Variants in SCFD2 observed in about 807,000 individuals in gnomAD.
SCFD2 encodes the protein sec1 family domain containing 2, also known as sec1 family domain-containing protein 2.
SCFD2 carries 54 observed loss-of-function variants against 58.9 expected under a neutral mutation model. The observed-to-expected ratio is 0.92, with a 90% confidence interval of 0.74 to 1.15. The LOEUF (loss-of-function observed/expected upper bound fraction) is 1.15, where lower values mean the gene tolerates loss of function less well. Among genes scored for constraint, SCFD2 ranks in the 50% most tolerant of loss-of-function variants. The pLI is 0.00. For missense variants in SCFD2, 805 were observed against 836.6 expected (o/e 0.96, Z 0.47); for synonymous variants, 321 against 335.9 (o/e 0.96, Z 0.49).
At chr4:52,889,357 C>A (rs896842629) in intron 7 of SCFD2, among the ~76,000 whole-genome samples, 5 of 152,176 alleles carry the variant, frequency 3.3e-5, no homozygotes, top group Non-Finnish European at 7.3e-5. Flanking sequence ...TTTGCAAATG[C>A]AGAGATTGAG....
intron 5 of SCFD2, among the ~76,000 whole-genome samples, chr4:53,079,239 T>TG (rs1294134632): frequency 5.9e-5 from 9 of 152,074 alleles, no homozygotes; most frequent in Admixed American, 2.0e-4. Context: ...CACTGATGTC[T>TG]GGGGGGCAGA....
At chr4:53,018,908 AG>A (rs2148812391) in intron 5 of SCFD2, among the ~76,000 whole-genome samples, 1 of 152,342 alleles carries the variant, frequency 6.6e-6, no homozygotes, top group Non-Finnish European at 1.5e-5. Flanking sequence ...CAAGATGGCC[AG>A]TTAGGAAGCA....
intron 3 of SCFD2, 49 bp from the exon 4 acceptor site, chr4:53,274,050 A>G (rs1731258241): frequency 4.8e-6 from 7 of 1,467,658 alleles, no homozygotes; most frequent in South Asian, 1.4e-5. Context: ...GAATAGTACA[A>G]ATAATGAGAA....
chr4:53,002,204 G>T (rs981568882), intron 5 of SCFD2, among the ~76,000 whole-genome samples: 1 of 152,124 alleles, frequency 6.6e-6, no homozygotes, highest in African/African-American at 2.4e-5. Flanking sequence ...TGGGGACAGG[G>T]CTTAAAGGTG....
At chr4:53,123,398 G>C (rs1725536693) in intron 5 of SCFD2, among the ~76,000 whole-genome samples, 1 of 152,158 alleles carries the variant, frequency 6.6e-6, no homozygotes. Flanking sequence ...AATGGGAAGA[G>C]AGAGGGAATG....
Position 53,257,839 on chromosome 4 carries a change from A to G in SCFD2, c.1311+15987T>C, listed in dbSNP as rs1156650411. Among the ~76,000 whole-genome samples, 9 of 152,240 alleles carry G rather than the reference A, an allele frequency of 5.9e-5. No homozygotes were observed. In the South Asian group the frequency reaches 1.2e-3, roughly 21 times the overall value. ...TATGTCTGGAAATCATTAGTCCAAT[A>G]CAATCTTTTCTGCATTATGCATGCT... On this transcript the variant is annotated intron_variant, in intron 4 of 8. Coordinates refer to ENST00000401642, the MANE Select transcript of SCFD2 (RefSeq NM_152540.4).
chr4:52,898,371 T>C (rs977200878), intron 7 of SCFD2, among the ~76,000 whole-genome samples: 2 of 152,250 alleles, frequency 1.3e-5, no homozygotes, highest in Non-Finnish European at 2.9e-5. Flanking sequence ...CTCATTGGTT[T>C]CAAAGAACAT....
chr4:52,949,250 T>A (rs147169222), intron 5 of SCFD2: 3 of 147,206 alleles, frequency 2.0e-5, no homozygotes, highest in Non-Finnish European at 4.4e-5. Context: ...GTCTGAGCAT[T>A]TTTTACATAA....
At chr4:52,904,880 A>G (rs546174223) in intron 7 of SCFD2, among the ~76,000 whole-genome samples, 31 of 152,256 alleles carry the variant, frequency 2.0e-4, no homozygotes, top group African/African-American at 7.5e-4. Context: ...GGAGAGTAAG[A>G]CCCAATCCCA....
At chr4:53,222,680 A>G (rs987428420) in intron 4 of SCFD2, among the ~76,000 whole-genome samples, 2 of 152,070 alleles carry the variant, frequency 1.3e-5, no homozygotes, top group African/African-American at 4.8e-5. Flanking sequence ...GAGTAAGTCA[A>G]TTCTAGTTCT....
chr4:53,215,054 A>C (rs1321677287), intron 4 of SCFD2, among the ~76,000 whole-genome samples: 1 of 152,130 alleles, frequency 6.6e-6, no homozygotes, highest in Non-Finnish European at 1.5e-5. Context: ...TGGTTACTGT[A>C]GCCTTGTAGT....
chr4:53,244,603 G>A (rs1730004889), intron 4 of SCFD2, among the ~76,000 whole-genome samples: 1 of 152,044 alleles, frequency 6.6e-6, no homozygotes. Context: ...AGTGTTAAGA[G>A]GAAATGTACA....
chr4:53,254,830 AT>A (rs1209410751), intron 4 of SCFD2, among the ~76,000 whole-genome samples: 2 of 135,786 alleles, frequency 1.5e-5, no homozygotes, highest in African/African-American at 6.0e-5. Flanking sequence ...ATTTTATTTT[AT>A]TTTATTTTAT....
At chr4:53,249,290 G>T (rs927539104) in intron 4 of SCFD2, among the ~76,000 whole-genome samples, 12 of 152,292 alleles carry the variant, frequency 7.9e-5, no homozygotes, top group Non-Finnish European at 1.8e-4. Context: ...AAGCCTCCAA[G>T]AAATATGGGA....
intron 5 of SCFD2, among the ~76,000 whole-genome samples, chr4:53,072,613 A>C (rs1723851311): frequency 6.6e-6 from 1 of 152,056 alleles, no homozygotes. Context: ...TTATTCAAAC[A>C]GCACACCTAG....
At chr4:52,899,534 G>T (rs573731943) in intron 7 of SCFD2, among the ~76,000 whole-genome samples, 2,084 of 152,212 alleles carry the variant, frequency 0.014, 58 homozygotes, top group African/African-American at 0.048. Context: ...TAGTCTGATG[G>T]GCTTCCCTTT....
chr4:53,191,304 C>T (rs997667170), intron 4 of SCFD2, among the ~76,000 whole-genome samples: 1 of 151,906 alleles, frequency 6.6e-6, no homozygotes, highest in Admixed American at 6.5e-5. Flanking sequence ...GACTCTATCT[C>T]AAAAAATAAG....
intron 5 of SCFD2, among the ~76,000 whole-genome samples, chr4:52,992,006 C>T (rs1721622452): frequency 6.6e-6 from 1 of 151,788 alleles, no homozygotes; most frequent in Non-Finnish European, 1.5e-5. Context: ...CCTCTCCCCA[C>T]AGTCTCCCTC....
intron 2 of SCFD2, among the ~76,000 whole-genome samples, chr4:53,323,347 A>G (rs2149121599): frequency 6.6e-6 from 1 of 152,114 alleles, no homozygotes; most frequent in South Asian, 2.1e-4. Flanking sequence ...TACAACTCTG[A>G]GGAGAGAAGA....
Sources: gnomAD v4.1 joint callset for allele counts (sites outside exome capture counted in the v4.1 genomes callset) on GRCh38, gnomAD v4.1.1 for gene constraint, MANE v1.5 for transcripts, NCBI Gene and HGNC (gene_info 2026-07-23, HGNC 2026-07-21) for gene names.